NLRP1: variants seen among roughly 807,000 people sequenced by gnomAD.
NLRP1 encodes the protein NLR family pyrin domain containing 1.
Under a neutral mutation model 136.7 loss-of-function variants are expected in NLRP1, and 94 were observed. The ratio of observed to expected loss-of-function variants is 0.69; its 90% CI spans 0.58 to 0.82. NLRP1 has a LOEUF of 0.82. NLRP1 is among the 40% of genes least tolerant of loss of function. The pLI is 0.00. For synonymous variants in NLRP1, 690 were observed against 725.1 expected, an observed-to-expected ratio of 0.95 and a Z score of 0.78; for missense variants, 1,575 against 1,802.7, an observed-to-expected ratio of 0.87 and a Z score of 2.29.
rs61753142 is a variant in NLRP1 at position 5,558,920 on chromosome 17, C to T, written c.1776G>A (p.Arg592=). The T allele has an allele frequency of 0.076, 122,049 of 1,614,026 alleles. 5,252 individuals are homozygous for T. The highest frequency in any genetic ancestry group is 0.087 in the Non-Finnish European group (102,518 of 1,179,958). Residue 592 remains arginine, a synonymous_variant, in exon 4 of 17, where the codon AGG becomes AGA. Transcript: ENST00000572272. ...TGATGGCCCCATCTAACCCATGCTT[C>T]CTGAGGTCATCTGGACTGAAAAGGG... ...KKTLFSPDDL[R]KHGLDGAIIS... is the part of the protein sequence containing the mutation.
At chr17:5,540,286 AT>A (rs1911706717) in intron 6 of NLRP1, among the ~76,000 whole-genome samples, 1 of 152,220 alleles carries the variant, frequency 6.6e-6, no homozygotes, top group Non-Finnish European at 1.5e-5. Flanking sequence ...ATTTTAACTG[AT>A]AAAGCAAAGT....
At chr17:5,540,164 A>G (rs1911689646) in intron 6 of NLRP1, among the ~76,000 whole-genome samples, 1 of 152,220 alleles carries the variant, frequency 6.6e-6, no homozygotes, top group African/African-American at 2.4e-5. Flanking sequence ...GCTGCTCATA[A>G]TAGGCGATGG....
Position 5,517,353 on chromosome 17 carries a change from C to G in NLRP1, c.4057+393G>C, listed in dbSNP as rs61420769. On this transcript the variant is annotated intron_variant, in intron 15 of 16. Transcript: ENST00000572272. ...AAACTGTGATAGTGCACTCTGCACC[C>G]CCCCCCCTCCCACATACACAGACTT... Among the ~76,000 whole-genome samples the G allele has an allele frequency of 7.7e-4, 61 of 79,144 alleles. 11 individuals are homozygous for G. Among genetic ancestry groups the G allele is most frequent in the African/African-American group, 2.5e-3 (53 of 21,086 alleles). The allele number at this position is 79,144 out of a possible 152,430, so 51.9% of individuals were successfully genotyped here. A position where few individuals can be genotyped will look rare whatever the true frequency, so the allele number is the denominator to read the frequency against.
chr17:5,569,372 G>C (rs1243331033), intron 3 of NLRP1, among the ~76,000 whole-genome samples: 1 of 152,142 alleles, frequency 6.6e-6, no homozygotes, highest in Non-Finnish European at 1.5e-5. Context: ...CTGTCTTCAA[G>C]AGATCCATCT....
downstream of NLRP1, chr17:5,512,059 G>C (rs1907677359): frequency 5.8e-6 from 4 of 691,038 alleles, no homozygotes; most frequent in Admixed American, 2.1e-5. Flanking sequence ...AACACCTTTA[G>C]GTATTTTTGT....
Position 5,558,592 on chromosome 17 carries a change from G to T in NLRP1, c.2104C>A (p.Gln702Lys). ...AGCAGCTGCAGGGACGGGACCCACTGCATCAGGTTCCTCCCCTGAGACAGC... is the reference window on the plus strand; with the variant it reads ...AGCAGCTGCAGGGACGGGACCCACTTCATCAGGTTCCTCCCCTGAGACAGC... ...CRLSQGRNLM[Q>K]WVPSLQLLLQ... The change falls in exon 4 of 17, where the codon CAG becomes AAG. Residue 702 changes from glutamine to lysine, a missense_variant. Gln to Lys is a moderately conservative substitution (Grantham distance 53, BLOSUM62 1). Transcript: ENST00000572272. The T allele has an allele frequency of 6.2e-7, 1 of 1,614,084 alleles. No individual in the cohort carries two copies. The highest frequency in any genetic ancestry group is 8.5e-7 in the Non-Finnish European group (1 of 1,180,020).
In NLRP1 at chr17:5,537,306, A is replaced by T. The variant is rs1911211785; in HGVS notation, c.2871-366T>A. On this transcript the variant is annotated intron_variant, in intron 7 of 16. Transcript: ENST00000572272. This position sits in a 1 kb window ranked among gnomAD's most constrained non-coding sequence, Gnocchi z 4.5. ...GGATGTGGGCCTCCCCAGGAAGGAG[A>T]TGTGGCCTTGGGTGAGGTGGCTCTC... 6.6e-6 allele frequency among the ~76,000 whole-genome samples: 1 copy of T among 152,110 alleles called. No homozygotes were observed. Among genetic ancestry groups the T allele is most frequent in the Non-Finnish European group, 1.5e-5 (1 of 68,006 alleles).
At chr17:5,536,008 C>T (rs1911012632) in intron 8 of NLRP1, among the ~76,000 whole-genome samples, 1 of 152,138 alleles carries the variant, frequency 6.6e-6, no homozygotes, top group Admixed American at 6.6e-5. Context: ...GTCTTTATCT[C>T]CCTCTTGTGA....
intron 3 of NLRP1, among the ~76,000 whole-genome samples, chr17:5,580,093 G>T (rs1905445808): frequency 6.6e-6 from 1 of 152,040 alleles, no homozygotes; most frequent in East Asian, 1.9e-4. Flanking sequence ...AAATTAGCAG[G>T]GCTTCGTGGC....
intron 15 of NLRP1, among the ~76,000 whole-genome samples, chr17:5,517,357 C>CT (rs1567630289): frequency 1.1e-5 from 1 of 89,458 alleles, no homozygotes; most frequent in East Asian, 2.4e-4. Flanking sequence ...TGCACCCCCC[C>CT]CCCTCCCACA....
intron 8 of NLRP1, among the ~76,000 whole-genome samples, chr17:5,536,445 C>CTTTTT (rs773821415): frequency 6.0e-4 from 47 of 77,788 alleles, no homozygotes; most frequent in African/African-American, 6.9e-4. Flanking sequence ...CCATGCCCGG[C>CTTTTT]TTTTTTTTTT....
chr17:5,553,347 C>T lies in NLRP1; in HGVS notation c.2528+39G>A, dbSNP rs779488284. On this transcript the variant is annotated intron_variant, in intron 5 of 16. Coordinates refer to ENST00000572272, the MANE Select transcript of NLRP1 (RefSeq NM_033004.4). The stretch of plus-strand genomic sequence containing the variant: ...CTCAGCTTCTGCCTTGGATCTCTTC[C>T]CCATCCCTGCTTCAGAACAGAACCC... 4 of 1,557,212 alleles carry T rather than the reference C, an allele frequency of 2.6e-6. No individual in the cohort carries two copies. In the South Asian group the frequency reaches 3.6e-5, roughly 14 times the overall value.
chr17:5,535,144 T>C (rs943045160), intron 8 of NLRP1, among the ~76,000 whole-genome samples: 5 of 151,798 alleles, frequency 3.3e-5, no homozygotes, highest in Admixed American at 1.3e-4. Flanking sequence ...GGTTTGAACC[T>C]GGGAGGCAGA....
intron 3 of NLRP1, among the ~76,000 whole-genome samples, chr17:5,562,619 A>C (rs532658288): frequency 7.2e-5 from 11 of 152,366 alleles, no homozygotes; most frequent in African/African-American, 2.2e-4. Flanking sequence ...CACGCAGCAG[A>C]GTAAGAGTGT....
rs1351500763 is a variant in NLRP1 at position 5,559,118 on chromosome 17, G to C, written c.1578C>G (p.Ala526=). 3.1e-6 allele frequency: 5 copies of C among 1,614,180 alleles called. No individual in the cohort carries two copies. In the Admixed American group the frequency reaches 8.3e-5, roughly 27 times the overall value. Residue 526 remains alanine (A), a synonymous_variant, in exon 4 of 17, where the codon GCC becomes GCG. Transcript: ENST00000572272. ...TCATCTGCTGCATCAGGCAAGTGCA[G>C]GCCAGCCAGGACACCCAGGGCACAA... ...LCLVPWVSWL[A]CTCLMQQMKR...
rs569620735 is a variant in NLRP1, at chr17:5,521,383, A to T, written c.3783+141T>A. The T allele has an allele frequency of 3.2e-4, 270 of 837,890 alleles. No homozygotes were observed. The African/African-American group carries it at 4.4e-3, about 14-fold the overall frequency. The allele number at this position is 837,890 out of a possible 1,614,324, so 51.9% of individuals were successfully genotyped here. On this transcript the variant is annotated intron_variant, in intron 13 of 16. Coordinates refer to ENST00000572272, the MANE Select transcript of NLRP1 (RefSeq NM_033004.4). The stretch of plus-strand genomic sequence containing the variant: ...CCAGTCCAAGACTGAGAGGGGACGA[A>T]TTGTTTGCCCACTTCAAGGTTCTCC...
intron 3 of NLRP1, among the ~76,000 whole-genome samples, chr17:5,577,893 T>A (rs1905179383): frequency 6.6e-6 from 1 of 152,210 alleles, no homozygotes; most frequent in Non-Finnish European, 1.5e-5. Flanking sequence ...AACAGCATGG[T>A]ACTGGTACCA....
chr17:5,515,476 T>G lies in NLRP1; in HGVS notation c.4099A>C (p.Ile1367Leu). 2 of 1,613,072 alleles carry G rather than the reference T, an allele frequency of 1.2e-6. No individual in the cohort carries two copies. The highest frequency in any genetic ancestry group is 1.7e-6 in the Non-Finnish European group (2 of 1,179,098). The change falls in exon 16 of 17, where the codon ATA becomes CTA. Residue 1367 changes from isoleucine to leucine, a missense_variant. Coordinates refer to ENST00000572272, the MANE Select transcript of NLRP1 (RefSeq NM_033004.4). ...PATTLIPPAR[I>L]AVPSPLDAPQ... ...GTCTCTGAGAGCTGTTACTGACCTATGCGGGCTGGAGGGATCAGAGTAGTT... is the reference window on the plus strand; with the variant it reads ...GTCTCTGAGAGCTGTTACTGACCTAGGCGGGCTGGAGGGATCAGAGTAGTT...
rs200226723 is a variant in NLRP1 at position 5,581,921 on chromosome 17, C to T, written c.590G>A (p.Arg197Lys). Reference protein sequence around the residue: ...GSPPQPSLAPREQEAPGTQWP... With the variant: ...GSPPQPSLAPKEQEAPGTQWP... Reference sequence around the variant, plus strand: ...TTGGGTCCCAGGAGCCTCCTGCTCTCTGGGTGCTAGGCTGGGCTGAGGTGG... The same window carrying T: ...TTGGGTCCCAGGAGCCTCCTGCTCTTTGGGTGCTAGGCTGGGCTGAGGTGG... The change falls in exon 3 of 17, where the codon AGA (arginine) becomes AAA (lysine). Residue 197 changes from arginine to lysine, a missense_variant. By Grantham distance (26) the Arg-to-Lys change is conservative. Transcript: ENST00000572272. The T allele has an allele frequency of 2.0e-5, 33 of 1,613,950 alleles. No homozygotes were observed. The highest frequency in any genetic ancestry group is 2.5e-5 in the Non-Finnish European group (29 of 1,179,992).
Sources: gnomAD v4.1 joint callset for allele counts (sites outside exome capture counted in the v4.1 genomes callset) on GRCh38, gnomAD v4.1.1 for gene constraint, Gnocchi (gnomAD v3.1) non-coding constraint, MANE v1.5 for transcripts, NCBI Gene and HGNC (gene_info 2026-07-23, HGNC 2026-07-21) for gene names.